Variants in EGFR observed in about 807,000 individuals in gnomAD.
EGFR encodes the protein avian erythroblastic leukemia viral (v-erb-b) oncogene homolog.
A neutral mutation model predicts 143.0 loss-of-function variants in EGFR; 58 were observed. The observed-to-expected ratio is 0.41, with a 90% CI of 0.33 to 0.50. EGFR has a LOEUF of 0.50. Ranked by LOEUF, EGFR falls within the 20% of genes least tolerant of loss-of-function variation. The pLI, the probability that EGFR is intolerant of heterozygous loss-of-function variation, is 0.39. For missense variants in EGFR, 1,307 were observed against 1,579.0 expected (o/e 0.83, Z 2.92); for synonymous variants, 613 against 594.4 (o/e 1.03, Z -0.45).
intron 1 of EGFR, among the ~76,000 whole-genome samples, chr7:55,086,729 G>A (rs1790783223): frequency 6.6e-6 from 1 of 152,210 alleles, no homozygotes; most frequent in African/African-American, 2.4e-5. Flanking sequence ...CAGCTGTGAT[G>A]TGGCGGCAGC....
intron 15 of EGFR, chr7:55,168,724 A>G: frequency 8.2e-6 from 6 of 730,430 alleles, no homozygotes; most frequent in Non-Finnish European, 1.3e-5. Context: ...GTTTGATATA[A>G]TCTTGTTATT....
chr7:55,115,001 C>A (rs985765346), intron 1 of EGFR, among the ~76,000 whole-genome samples: 9 of 151,802 alleles, frequency 5.9e-5, no homozygotes, highest in African/African-American at 2.2e-4. Context: ...CCTGCCTCAG[C>A]CTCCTGAGTA....
At chr7:55,187,022 T>G (rs1787168468) in intron 20 of EGFR, among the ~76,000 whole-genome samples, 1 of 152,066 alleles carries the variant, frequency 6.6e-6, no homozygotes, top group South Asian at 2.1e-4. Flanking sequence ...AGGAGGCCTC[T>G]GTGGGTGAGA....
intron 1 of EGFR, among the ~76,000 whole-genome samples, chr7:55,069,819 C>T (rs1173927542): frequency 6.6e-6 from 1 of 152,212 alleles, no homozygotes; most frequent in Non-Finnish European, 1.5e-5. Flanking sequence ...CCATAGTTAC[C>T]TAACTGCTGT....
At chr7:55,116,523 C>CA (rs762417398) in intron 1 of EGFR, among the ~76,000 whole-genome samples, 5 of 122,532 alleles carry the variant, frequency 4.1e-5, no homozygotes, top group African/African-American at 1.1e-4. Context: ...TAACTAAATT[C>CA]AAAAAAAACA....
intron 1 of EGFR, among the ~76,000 whole-genome samples, chr7:55,129,643 C>T (rs1225735355): frequency 6.6e-6 from 1 of 152,178 alleles, no homozygotes; most frequent in Non-Finnish European, 1.5e-5. Context: ...TGCAACACTG[C>T]CCTGCACACA....
Position 55,205,916 on chromosome 7 carries a change from A to C in EGFR, c.*299A>C. 6.5e-6 allele frequency: 3 copies of C among 458,138 alleles called. No individual in the cohort carries two copies. Among genetic ancestry groups the C allele is most frequent in the Non-Finnish European group, 7.9e-6 (2 of 253,110 alleles). 28.4% of individuals were successfully genotyped at this position (458,138 alleles called of 1,614,324 possible). The stretch of plus-strand genomic sequence containing the variant: ...TATATTTGAAAAAAAAAAAAAGTAT[A>C]TGTGAGGATTTTTATTGATTGGGGA... On this transcript the variant is annotated 3_prime_UTR_variant, in exon 28 of 28. Transcript: ENST00000275493.
At chr7:55,065,830 C>CTTTT (rs35171442) in intron 1 of EGFR, among the ~76,000 whole-genome samples, 6 of 120,472 alleles carry the variant, frequency 5.0e-5, no homozygotes, top group East Asian at 2.3e-4. Context: ...GACTAAGTGG[C>CTTTT]TTTTTTTTTT....
chr7:55,045,709 G>A (rs2128871467), intron 1 of EGFR, among the ~76,000 whole-genome samples: 1 of 152,310 alleles, frequency 6.6e-6, no homozygotes, highest in Non-Finnish European at 1.5e-5. Context: ...GGTAATGTGT[G>A]AAAAGTGAAA....
In EGFR at chr7:55,192,809, T is replaced by C. The variant is rs2128965546; in HGVS notation, c.2669T>C (p.Ile890Thr). The C allele has an allele frequency of 1.2e-6, 2 of 1,614,226 alleles. No individual in the cohort carries two copies. Among genetic ancestry groups the C allele is most frequent in the Non-Finnish European group, 1.7e-6 (2 of 1,180,038 alleles). ...WMALESILHR[I>T]YTHQSDVWSY... ...GCATTGGAATCAATTTTACACAGAA[T>C]CTATACCCACCAGAGTGATGTCTGG... The change falls in exon 22 of 28, where the codon ATC (isoleucine) becomes ACC (threonine). Residue 890 changes from isoleucine to threonine, a missense_variant. Ile to Thr is a moderately conservative substitution (Grantham distance 89). This residue lies in a region of EGFR where 348 missense variants were observed against 451.5 expected (regional missense o/e 0.77). Coordinates refer to ENST00000275493, the MANE Select transcript of EGFR (RefSeq NM_005228.5).
chr7:55,189,098 ATGTGTGTG>A (rs10540696), intron 20 of EGFR, among the ~76,000 whole-genome samples: 1 of 150,560 alleles, frequency 6.6e-6, no homozygotes, highest in Non-Finnish European at 1.5e-5. Context: ...CTCACACATA[ATGTGTGTG>A]TGTGTGTGTG....
intron 1 of EGFR, among the ~76,000 whole-genome samples, chr7:55,040,481 A>C (rs1001339465): frequency 6.6e-6 from 1 of 152,186 alleles, no homozygotes; most frequent in African/African-American, 2.4e-5. Flanking sequence ...TGGACAGATT[A>C]AACCTAGGCA....
intron 15 of EGFR, among the ~76,000 whole-genome samples, chr7:55,168,909 A>C (rs1786204878): frequency 6.6e-6 from 1 of 152,156 alleles, no homozygotes; most frequent in African/African-American, 2.4e-5. Flanking sequence ...CTCATTTCTC[A>C]GATGGGATGT....
At chr7:55,084,894 T>TAGAA (rs1790664911) in intron 1 of EGFR, among the ~76,000 whole-genome samples, 1 of 152,086 alleles carries the variant, frequency 6.6e-6, no homozygotes, top group Non-Finnish European at 1.5e-5. Context: ...TGCTGTCTTC[T>TAGAA]GTCCAGGTTC....
At chr7:55,142,990 A>C (rs151001765) in intron 2 of EGFR, among the ~76,000 whole-genome samples, 4 of 152,346 alleles carry the variant, frequency 2.6e-5, no homozygotes, top group Admixed American at 2.0e-4. Flanking sequence ...AGACAGATAC[A>C]AAGTAATTCT....
chr7:55,094,096 A>G (rs971010300), intron 1 of EGFR, among the ~76,000 whole-genome samples: 2 of 152,122 alleles, frequency 1.3e-5, no homozygotes, highest in African/African-American at 4.8e-5. Context: ...AATTTCCCCC[A>G]TTACCAAGGA....
intron 16 of EGFR, among the ~76,000 whole-genome samples, chr7:55,172,071 A>G (rs1584220309): frequency 6.6e-6 from 1 of 152,166 alleles, no homozygotes; most frequent in African/African-American, 2.4e-5. Context: ...GTGAGCTGCT[A>G]GGACACCCAG....
chr7:55,154,899 A>T (rs910594927), intron 7 of EGFR, among the ~76,000 whole-genome samples: 1 of 144,480 alleles, frequency 6.9e-6, no homozygotes, highest in Non-Finnish European at 1.5e-5. Context: ...GTACATGAAA[A>T]ATTTTACATT....
chr7:55,079,112 T>G (rs753666188), intron 1 of EGFR, among the ~76,000 whole-genome samples: 8 of 152,062 alleles, frequency 5.3e-5, no homozygotes, highest in Non-Finnish European at 8.8e-5. Context: ...TGCGAGGCCC[T>G]GGAATGAGGC....
Sources: gnomAD v4.1 joint callset for allele counts (sites outside exome capture counted in the v4.1 genomes callset) on GRCh38, gnomAD v4.1.1 for gene constraint, gnomAD v4.1.1 regional missense constraint, MANE v1.5 for transcripts, NCBI Gene and HGNC (gene_info 2026-07-23, HGNC 2026-07-21) for gene names.